Variants in TNFRSF19 observed in about 807,000 individuals in gnomAD.
TNFRSF19 encodes the protein TNF receptor superfamily member 19, also known as tumor necrosis factor receptor superfamily member 19.
In TNFRSF19, 27 loss-of-function variants were observed where a neutral mutation model predicts 46.4. The observed-to-expected ratio is 0.58, with a 90% CI of 0.43 to 0.80. TNFRSF19 has a LOEUF of 0.80. Among genes scored for constraint, TNFRSF19 ranks in the 30% least tolerant of loss-of-function variants. The pLI is 0.00. For synonymous variants in TNFRSF19, 204 were observed against 205.0 expected (o/e 1.00, Z 0.04); for missense variants, 511 against 530.8 (o/e 0.96, Z 0.37).
intron 5 of TNFRSF19, among the ~76,000 whole-genome samples, chr13:23,647,912 G>A (rs73156783): frequency 6.6e-6 from 1 of 151,832 alleles, no homozygotes; most frequent in Non-Finnish European, 1.5e-5. Context: ...TTTACTTCAG[G>A]ACTGTCAATT....
At chr13:23,669,684 G>T in intron 9 of TNFRSF19, 1 of 985,300 alleles carries the variant, frequency 1.0e-6, no homozygotes, top group Non-Finnish European at 1.2e-6. Context: ...GATCAGGTTT[G>T]GGTGGAGCGA....
chr13:23,673,590 C>T lies in TNFRSF19; in HGVS notation c.*210C>T. On this transcript the variant is annotated 3_prime_UTR_variant, in exon 10 of 10. Coordinates refer to ENST00000248484, the MANE Select transcript of TNFRSF19 (RefSeq NM_148957.4). The stretch of plus-strand genomic sequence containing the variant: ...AACCTCAATGAATAACAAGAAAAGA[C>T]TCCAGGCCGACTCATGATACTCTGC... The T allele has an allele frequency of 8.1e-7, 1 of 1,240,058 alleles. No homozygotes were observed. The highest frequency in any genetic ancestry group is 1.0e-6 in the Non-Finnish European group (1 of 987,210). 76.8% of individuals were successfully genotyped at this position (1,240,058 alleles called of 1,614,324 possible). A position where few individuals can be genotyped will look rare whatever the true frequency, so the allele number is the denominator to read the frequency against.
At chr13:23,645,322 C>T (rs977531876) in intron 5 of TNFRSF19, among the ~76,000 whole-genome samples, 1 of 152,180 alleles carries the variant, frequency 6.6e-6, no homozygotes, top group Non-Finnish European at 1.5e-5. Flanking sequence ...GCACCTCAGC[C>T]TCCCAAGTAG....
intron 3 of TNFRSF19, among the ~76,000 whole-genome samples, chr13:23,609,384 C>A (rs1297364361): frequency 2.0e-5 from 3 of 152,106 alleles, no homozygotes; most frequent in African/African-American, 7.2e-5. Context: ...CAAAAATAAA[C>A]CTAACTTTGG....
intron 5 of TNFRSF19, among the ~76,000 whole-genome samples, chr13:23,643,457 G>A (rs1271127938): frequency 6.6e-6 from 1 of 152,188 alleles, no homozygotes. Flanking sequence ...GTAAAAGAGA[G>A]TAATGTTTAT....
At chr13:23,626,487 G>A (rs959039398) in intron 4 of TNFRSF19, among the ~76,000 whole-genome samples, 7 of 151,554 alleles carry the variant, frequency 4.6e-5, no homozygotes, top group African/African-American at 1.7e-4. Flanking sequence ...TATAGAAGAA[G>A]TGCACTGAGA....
At chr13:23,607,867 T>C (rs1880621211) in intron 3 of TNFRSF19, among the ~76,000 whole-genome samples, 1 of 152,204 alleles carries the variant, frequency 6.6e-6, no homozygotes. Flanking sequence ...TGGAAGTGCT[T>C]TGGTTAAGCA....
chr13:23,660,283 T>C, intron 6 of TNFRSF19, 82 bp from the exon 7 acceptor site: 1 of 1,393,312 alleles, frequency 7.2e-7, no homozygotes, highest in South Asian at 1.5e-5. Flanking sequence ...GATTTGTTCT[T>C]TAAAAATACA....
intron 4 of TNFRSF19, among the ~76,000 whole-genome samples, chr13:23,617,290 G>A (rs1468645218): frequency 6.6e-6 from 1 of 152,176 alleles, no homozygotes; most frequent in Non-Finnish European, 1.5e-5. Flanking sequence ...TGCGAACGCA[G>A]AAGCCTTAAA....
chr13:23,574,557 T>C (rs891012810), intron 1 of TNFRSF19, among the ~76,000 whole-genome samples: 1 of 152,090 alleles, frequency 6.6e-6, no homozygotes, highest in African/African-American at 2.4e-5. Context: ...CCCTAAGCCA[T>C]GAAGGCATAA....
intron 1 of TNFRSF19, among the ~76,000 whole-genome samples, chr13:23,576,307 T>C (rs1011485697): frequency 6.6e-6 from 1 of 152,072 alleles, no homozygotes; most frequent in Non-Finnish European, 1.5e-5. Context: ...CTAATTTTTG[T>C]ATTTTTACAG....
At chr13:23,603,917 C>T (rs111322637) in intron 3 of TNFRSF19, among the ~76,000 whole-genome samples, 2 of 151,926 alleles carry the variant, frequency 1.3e-5, no homozygotes, top group Non-Finnish European at 2.9e-5. Flanking sequence ...AAACTAGAAG[C>T]TTTCCACTAA....
At chr13:23,657,697 TC>T (rs879714098) in intron 5 of TNFRSF19, among the ~76,000 whole-genome samples, 6,710 of 152,232 alleles carry the variant, frequency 0.044, 502 homozygotes, top group African/African-American at 0.15. Context: ...TTCTTCTTCT[TC>T]TTCTTTTTTT....
rs1168028235 is a variant in TNFRSF19, at chr13:23,668,082, G to T, written c.839G>T (p.Arg280Ile). ...GVHSAASLQA[R>I]NAGPAGEMVP... ...CATTCTGCAGCCAGTCTTCAGGCAAGGTAACTAGGTGCTTTCAATCAATCA... is the reference window on the plus strand; with the variant it reads ...CATTCTGCAGCCAGTCTTCAGGCAATGTAACTAGGTGCTTTCAATCAATCA... The change falls in exon 8 of 10, where the codon AGA becomes ATA. Residue 280 changes from arginine to isoleucine, a missense_variant and splice_region_variant. This residue lies in a region of TNFRSF19 where 376 missense variants were observed against 372.7 expected (regional missense o/e 1.01). Transcript: ENST00000248484. The T allele has an allele frequency of 6.3e-7, 1 of 1,599,730 alleles. No homozygotes were observed. Among genetic ancestry groups the T allele is most frequent in the African/African-American group, 1.3e-5 (1 of 74,666 alleles).
intron 2 of TNFRSF19, 42 bp downstream of exon 2, chr13:23,590,294 G>T (rs191931810): frequency 2.4e-6 from 3 of 1,258,916 alleles, no homozygotes; most frequent in Middle Eastern, 1.9e-4. Flanking sequence ...TGTGGTGAAA[G>T]AATTCATGTA....
chr13:23,670,578 T>C (rs1951743910), intron 9 of TNFRSF19, among the ~76,000 whole-genome samples: 1 of 152,172 alleles, frequency 6.6e-6, no homozygotes, highest in African/African-American at 2.4e-5. Context: ...ATTTGTAAAA[T>C]TGTTATGATA....
intron 5 of TNFRSF19, among the ~76,000 whole-genome samples, chr13:23,641,067 A>G (rs567834714): frequency 1.3e-5 from 2 of 152,370 alleles, no homozygotes; most frequent in South Asian, 4.1e-4. Flanking sequence ...AAAAGATTCC[A>G]TGAAAGATTT....
At chr13:23,607,445 A>G (rs1331163340) in intron 3 of TNFRSF19, among the ~76,000 whole-genome samples, 1 of 152,108 alleles carries the variant, frequency 6.6e-6, no homozygotes, top group Non-Finnish European at 1.5e-5. Flanking sequence ...AGATAAATAG[A>G]TAGACAGTTT....
At chr13:23,601,141 A>G (rs1880128985) in intron 3 of TNFRSF19, among the ~76,000 whole-genome samples, 1 of 152,208 alleles carries the variant, frequency 6.6e-6, no homozygotes, top group Non-Finnish European at 1.5e-5. Context: ...CTGCAGATCC[A>G]GGAAACTCAG....
Sources: gnomAD v4.1 joint callset for allele counts (sites outside exome capture counted in the v4.1 genomes callset) on GRCh38, gnomAD v4.1.1 for gene constraint, gnomAD v4.1.1 regional missense constraint, MANE v1.5 for transcripts, NCBI Gene and HGNC (gene_info 2026-07-23, HGNC 2026-07-21) for gene names.